The following LYSMD2 variants were observed in gnomAD, a reference collection of about 807,000 sequenced individuals.
LYSMD2 encodes LysM domain containing 2.
In LYSMD2, 6 loss-of-function variants were observed where a neutral mutation model predicts 17.7. The ratio of observed to expected loss-of-function variants is 0.34; its 90% CI spans 0.19 to 0.67. LYSMD2 has a LOEUF of 0.67. Ranked by LOEUF, LYSMD2 falls within the 30% of genes least tolerant of loss-of-function variation. LYSMD2 has a pLI of 0.69. For synonymous variants in LYSMD2, 102 were observed against 129.8 expected (o/e 0.79, Z 1.45); for missense variants, 237 against 286.7 (o/e 0.83, Z 1.25).
chr15:51,733,409 T>C (rs990371129), intron 1 of LYSMD2, among the ~76,000 whole-genome samples: 1 of 151,922 alleles, frequency 6.6e-6, no homozygotes, highest in African/African-American at 2.4e-5. Context: ...CACTATTGTA[T>C]CACCAGAAAG....
intron 1 of LYSMD2, among the ~76,000 whole-genome samples, chr15:51,746,877 A>T (rs533913105): frequency 1.8e-4 from 28 of 152,144 alleles, no homozygotes; most frequent in African/African-American, 5.8e-4. Context: ...ACATCAAAAA[A>T]TTTTTTAAAA....
At chr15:51,738,593 A>G (rs190970761), upstream of LYSMD2, among the ~76,000 whole-genome samples, 62 of 152,256 alleles carry the variant, frequency 4.1e-4, no homozygotes, top group African/African-American at 1.4e-3. Flanking sequence ...TTATACACAG[A>G]GTGGGTACAC....
chr15:51,735,347 A>T (rs1042873347), intron 1 of LYSMD2, among the ~76,000 whole-genome samples: 1 of 152,204 alleles, frequency 6.6e-6, no homozygotes, highest in Non-Finnish European at 1.5e-5. Flanking sequence ...AGTGGTCCTC[A>T]ACCAGGGGTA....
At chr15:51,745,854 A>G (rs747157944) in intron 1 of LYSMD2, among the ~76,000 whole-genome samples, 2 of 152,236 alleles carry the variant, frequency 1.3e-5, no homozygotes, top group African/African-American at 2.4e-5. Flanking sequence ...CACATGAAAA[A>G]ATGTTCAACA....
intron 1 of LYSMD2, among the ~76,000 whole-genome samples, chr15:51,725,869 C>G (rs946396672): frequency 6.6e-6 from 1 of 152,040 alleles, no homozygotes; most frequent in Non-Finnish European, 1.5e-5. Flanking sequence ...TAGATTTGAC[C>G]AAGTACATAT....
At position 51,737,403 on chromosome 15, in the gene LYSMD2, G is replaced by C; in HGVS notation, c.220C>G (p.Arg74Gly). The C allele has an allele frequency of 6.9e-7, 1 of 1,456,582 alleles. No homozygotes were observed. The highest frequency in any genetic ancestry group is 9.0e-7 in the Non-Finnish European group (1 of 1,109,716). 90.2% of individuals were successfully genotyped at this position (1,456,582 alleles called of 1,614,324 possible). The change falls in exon 1 of 3, where the codon CGG becomes GGG. Residue 74 changes from arginine to glycine, a missense_variant. Physicochemically the swap from Arg to Gly is moderately radical, Grantham distance 125. Coordinates refer to ENST00000267838, the MANE Select transcript of LYSMD2 (RefSeq NM_153374.3). The surrounding 1 kb of genome is among the most constrained non-coding windows in gnomAD (Gnocchi z 4.2). ...AGVIERHVEH[R>G]VRAGDTLQGI... is the part of the protein sequence containing the mutation. ...TGCAGCGTGTCGCCCGCGCGGACCC[G>C]GTGCTCCACATGGCGCTCGATGACG...
At chr15:51,737,682 TCCGCCGCCG>T, upstream of LYSMD2, 1 of 1,111,480 alleles carries the variant, frequency 9.0e-7, no homozygotes, top group Non-Finnish European at 1.1e-6. The surrounding 1 kb of genome is among the most constrained non-coding windows in gnomAD (Gnocchi z 4.2). Context: ...CTCCTCCTCC[TCCGCCGCCG>T]CCGCCGCCTC....
upstream of LYSMD2, among the ~76,000 whole-genome samples, chr15:51,738,752 T>C (rs779103686): frequency 2.6e-5 from 4 of 152,148 alleles, no homozygotes; most frequent in Non-Finnish European, 5.9e-5. Context: ...AAAGCTAATA[T>C]TGCTCAGGAG....
chr15:51,724,019 T>A (rs1256831116), intron 2 of LYSMD2, among the ~76,000 whole-genome samples: 1 of 151,862 alleles, frequency 6.6e-6, no homozygotes, highest in Non-Finnish European at 1.5e-5. Flanking sequence ...ACAATAAGAT[T>A]AATAAAATAG....
At chr15:51,748,281 AAAAAAAAGATG>A (rs1186525806) in intron 1 of LYSMD2, among the ~76,000 whole-genome samples, 7 of 144,504 alleles carry the variant, frequency 4.8e-5, no homozygotes, top group Non-Finnish European at 1.1e-4. Flanking sequence ...AAAAAAAAAA[AAAAAAAAGATG>A]AAGAAAATGA....
At chr15:51,733,534 A>G (rs2055589764) in intron 1 of LYSMD2, among the ~76,000 whole-genome samples, 1 of 151,950 alleles carries the variant, frequency 6.6e-6, no homozygotes, top group Non-Finnish European at 1.5e-5. Flanking sequence ...ACAATTTGAC[A>G]TAGAGTGTGC....
chr15:51,740,485 T>G (rs2055637474), upstream of LYSMD2, among the ~76,000 whole-genome samples: 1 of 152,222 alleles, frequency 6.6e-6, no homozygotes, highest in Admixed American at 6.5e-5. Flanking sequence ...TTTAACATTG[T>G]TTTGAAGGTC....
intron 1 of LYSMD2, among the ~76,000 whole-genome samples, chr15:51,735,310 A>T (rs1416984506): frequency 6.6e-6 from 1 of 152,218 alleles, no homozygotes; most frequent in Non-Finnish European, 1.5e-5. Context: ...CAGGGCCCAA[A>T]GTAATGAGAA....
upstream of LYSMD2, chr15:51,738,174 A>G (rs557785671): frequency 1.8e-5 from 2 of 113,334 alleles, no homozygotes; most frequent in South Asian, 6.5e-4. Flanking sequence ...TCCACGTCAC[A>G]GTAAAACTTA....
At position 51,748,753 on chromosome 15, in the gene LYSMD2, C is replaced by G. The variant is rs982541114; in HGVS notation, c.-1+2518G>C. On this transcript the variant is annotated intron_variant, in intron 1 of 2. Transcript: ENST00000454181. ...CAGGCCAGTTAAGAGGATTCTATTC[C>G]TCTTGTCTATGATAGATTTGAGAGT... 5.9e-5 allele frequency among the ~76,000 whole-genome samples: 9 copies of G among 152,112 alleles called. 1 individual carries two copies. The highest frequency in any genetic ancestry group is 6.3e-3 in the Middle Eastern group (2 of 316).
chr15:51,739,754 C>T (rs1704088067), upstream of LYSMD2, among the ~76,000 whole-genome samples: 1 of 152,098 alleles, frequency 6.6e-6, no homozygotes, highest in African/African-American at 2.4e-5. Context: ...CATAGTGAGA[C>T]CCATCTCTAC....
upstream of LYSMD2, among the ~76,000 whole-genome samples, chr15:51,740,310 A>C (rs1290442600): frequency 6.6e-6 from 1 of 152,100 alleles, no homozygotes; most frequent in Admixed American, 6.5e-5. Flanking sequence ...GAGTTACATG[A>C]GGTGTTATTA....
At chr15:51,727,742 G>A (rs1049652461) in intron 1 of LYSMD2, among the ~76,000 whole-genome samples, 4 of 152,214 alleles carry the variant, frequency 2.6e-5, no homozygotes, top group Non-Finnish European at 2.9e-5. Context: ...CTGCACAAGT[G>A]ACTCACTATA....
intron 1 of LYSMD2, among the ~76,000 whole-genome samples, chr15:51,743,716 C>T (rs2055653958): frequency 6.6e-6 from 1 of 152,228 alleles, no homozygotes; most frequent in Non-Finnish European, 1.5e-5. Context: ...GAAGAAGTGA[C>T]ATCCTAGCAA....
Sources: allele counts gnomAD v4.1 joint callset (sites outside exome capture counted in the v4.1 genomes callset), GRCh38; gene constraint gnomAD v4.1.1; non-coding constraint Gnocchi (gnomAD v3.1); transcripts MANE v1.5; gene names NCBI Gene and HGNC (gene_info 2026-07-23, HGNC 2026-07-21).